Variants in COMMD1 observed in about 807,000 individuals in gnomAD.
The protein encoded by COMMD1 is COMM domain-containing protein 1.
A neutral mutation model predicts 17.2 loss-of-function variants in COMMD1; 10 were observed. The ratio of observed to expected loss-of-function variants is 0.58; its 90% confidence interval spans 0.36 to 0.99. The LOEUF (loss-of-function observed/expected upper bound fraction) is 0.99. Among genes scored for constraint, COMMD1 ranks in the 50% least tolerant of loss-of-function variants. COMMD1 has a pLI of 0.01. For synonymous variants in COMMD1, 97 were observed against 91.6 expected (o/e 1.06, Z -0.34); for missense variants, 270 against 231.8 (o/e 1.17, Z -1.07).
intron 2 of COMMD1, among the ~76,000 whole-genome samples, chr2:62,116,321 T>G (rs977366353): frequency 3.9e-5 from 6 of 152,136 alleles, no homozygotes; most frequent in Non-Finnish European, 8.8e-5. Context: ...CAAACCAAGT[T>G]GATGAGATAA....
At chr2:62,101,641 C>G (rs1396739990) in intron 2 of COMMD1, among the ~76,000 whole-genome samples, 1 of 151,936 alleles carries the variant, frequency 6.6e-6, no homozygotes, top group Non-Finnish European at 1.5e-5. Flanking sequence ...ATATGGTCCC[C>G]AGGTTACCCA....
chr2:61,938,154 A>G (rs1670649431), intron 1 of COMMD1, among the ~76,000 whole-genome samples: 1 of 152,122 alleles, frequency 6.6e-6, no homozygotes, highest in Non-Finnish European at 1.5e-5. Flanking sequence ...CTGTCTAAAA[A>G]TGATAATTTG....
intron 2 of COMMD1, among the ~76,000 whole-genome samples, chr2:62,116,602 G>A (rs1401665408): frequency 6.6e-6 from 1 of 150,914 alleles, no homozygotes; most frequent in Non-Finnish European, 1.5e-5. Flanking sequence ...AACCCAGGAG[G>A]CGGAGGTTGC....
intron 2 of COMMD1, among the ~76,000 whole-genome samples, chr2:62,065,506 G>T (rs1228477081): frequency 1.3e-5 from 2 of 151,638 alleles, no homozygotes; most frequent in African/African-American, 2.4e-5. Flanking sequence ...TTATGTGTGT[G>T]TAGAGACACA....
intron 2 of COMMD1, among the ~76,000 whole-genome samples, chr2:62,013,917 G>A (rs1669360039): frequency 6.6e-6 from 1 of 152,196 alleles, no homozygotes; most frequent in Non-Finnish European, 1.5e-5. Flanking sequence ...AGAAGATGTT[G>A]TTTGTGCTGA....
chr2:61,955,694 A>T (rs1033257755), intron 1 of COMMD1, among the ~76,000 whole-genome samples: 3 of 151,568 alleles, frequency 2.0e-5, no homozygotes, highest in African/African-American at 7.3e-5. Flanking sequence ...AAGAATTGAT[A>T]TTTTTTTTGA....
At chr2:62,099,343 G>A (rs1672109086) in intron 2 of COMMD1, among the ~76,000 whole-genome samples, 1 of 152,046 alleles carries the variant, frequency 6.6e-6, no homozygotes, top group Non-Finnish European at 1.5e-5. Flanking sequence ...TTTGATTCGG[G>A]AGCCTCAGTT....
chr2:61,988,364 TA>T (rs1466552709), intron 1 of COMMD1, among the ~76,000 whole-genome samples: 3 of 152,164 alleles, frequency 2.0e-5, no homozygotes, highest in Non-Finnish European at 4.4e-5. Context: ...AAAGGCCCTT[TA>T]GTCAGGAGGT....
chr2:61,934,592 C>A (rs1279698744), intron 1 of COMMD1, among the ~76,000 whole-genome samples: 1 of 151,854 alleles, frequency 6.6e-6, no homozygotes, highest in African/African-American at 2.4e-5. Flanking sequence ...TTAACAAGTT[C>A]AAGTTATAGA....
At chr2:62,004,051 C>G (rs1669040071) in intron 2 of COMMD1, among the ~76,000 whole-genome samples, 1 of 151,948 alleles carries the variant, frequency 6.6e-6, no homozygotes, top group Admixed American at 6.6e-5. Flanking sequence ...TCACTTGAGC[C>G]CGGAAGGCGG....
intron 1 of COMMD1, among the ~76,000 whole-genome samples, chr2:61,975,533 G>A (rs952671448): frequency 2.6e-5 from 4 of 151,966 alleles, no homozygotes; most frequent in African/African-American, 4.8e-5. Flanking sequence ...TCAACATTTG[G>A]TGTTGCTTTT....
At chr2:62,074,982 C>G (rs544635940) in intron 2 of COMMD1, among the ~76,000 whole-genome samples, 1 of 151,008 alleles carries the variant, frequency 6.6e-6, no homozygotes, top group African/African-American at 2.4e-5. Context: ...TACTGCCTCC[C>G]GGGTTCAAGC....
chr2:61,992,520 A>G (rs1672277212), intron 1 of COMMD1, among the ~76,000 whole-genome samples: 1 of 152,226 alleles, frequency 6.6e-6, no homozygotes, highest in South Asian at 2.1e-4. Context: ...CTGTATTTAT[A>G]TAGCCCATGA....
chr2:62,031,980 G>T (rs1287458055), intron 2 of COMMD1, among the ~76,000 whole-genome samples: 1 of 152,064 alleles, frequency 6.6e-6, no homozygotes, highest in Non-Finnish European at 1.5e-5. Context: ...TGCTACATTG[G>T]TCTACCTTGT....
intron 1 of COMMD1, among the ~76,000 whole-genome samples, chr2:61,990,919 C>T (rs1408951852): frequency 1.3e-5 from 2 of 149,696 alleles, no homozygotes; most frequent in South Asian, 2.1e-4. Context: ...CACACACACA[C>T]ACACACACAC....
chr2:62,032,695 CTT>C (rs1358057384), intron 2 of COMMD1, among the ~76,000 whole-genome samples: 1 of 152,172 alleles, frequency 6.6e-6, no homozygotes, highest in Non-Finnish European at 1.5e-5. Flanking sequence ...CCTTGCTGCT[CTT>C]TTTCTGTTGG....
intron 2 of COMMD1, among the ~76,000 whole-genome samples, chr2:62,073,722 A>G (rs1435416219): frequency 6.6e-6 from 1 of 152,156 alleles, no homozygotes; most frequent in Non-Finnish European, 1.5e-5. Flanking sequence ...TTATGAGACA[A>G]AATTTCACTT....
chr2:62,002,031 A>G (rs919275058), intron 2 of COMMD1, among the ~76,000 whole-genome samples: 2 of 152,102 alleles, frequency 1.3e-5, no homozygotes, highest in African/African-American at 4.8e-5. Flanking sequence ...TTAGCTGGGC[A>G]TGGTGGCACA....
intron 2 of COMMD1, among the ~76,000 whole-genome samples, chr2:62,032,094 G>T (rs1163364710): frequency 6.6e-6 from 1 of 152,094 alleles, no homozygotes; most frequent in Non-Finnish European, 1.5e-5. Flanking sequence ...GTATAAAATT[G>T]TGTGTTATAT....
Sources: allele counts gnomAD v4.1 joint callset (sites outside exome capture counted in the v4.1 genomes callset), GRCh38; gene constraint gnomAD v4.1.1; transcripts MANE v1.5; gene names NCBI Gene and HGNC (gene_info 2026-07-23, HGNC 2026-07-21).